Variants in DYNC2I1 observed in about 807,000 individuals in gnomAD.
DYNC2I1 encodes cytoplasmic dynein 2 intermediate chain 1.
Under a neutral mutation model 133.4 loss-of-function variants are expected in DYNC2I1, and 89 were observed. That is an observed-to-expected ratio of 0.67 (90% CI 0.56 to 0.80). DYNC2I1 has a LOEUF of 0.80. Ranked by LOEUF, DYNC2I1 falls within the 30% of genes least tolerant of loss-of-function variation. DYNC2I1 has a pLI of 0.00. For synonymous variants in DYNC2I1, 504 were observed against 484.3 expected, an observed-to-expected ratio of 1.04 and a Z score of -0.54; for missense variants, 1,291 against 1,314.5, an observed-to-expected ratio of 0.98 and a Z score of 0.28.
chr7:158,949,720 C>T (rs1289257425), downstream of DYNC2I1, among the ~76,000 whole-genome samples: 2 of 151,246 alleles, frequency 1.3e-5, no homozygotes, highest in Non-Finnish European at 2.9e-5. Context: ...GAGAATGGGG[C>T]AAAGCAAGAC....
intron 17 of DYNC2I1, 117 bp from the exon 18 acceptor site, chr7:158,926,070 T>A (rs1849585072): frequency 2.6e-6 from 2 of 762,530 alleles, no homozygotes; most frequent in Non-Finnish European, 4.5e-6. Context: ...GGAAGATGTG[T>A]GGAGAGAGTT....
intron 15 of DYNC2I1, among the ~76,000 whole-genome samples, chr7:158,921,420 G>A (rs1585177823): frequency 1.3e-5 from 2 of 152,100 alleles, no homozygotes; most frequent in African/African-American, 4.8e-5. Flanking sequence ...CCTAAAAATC[G>A]CTACACCGTG....
chr7:158,934,057 A>G, intron 21 of DYNC2I1, 72 bp from the exon 22 acceptor site: 3 of 1,037,106 alleles, frequency 2.9e-6, no homozygotes. Flanking sequence ...AGTGCAAATC[A>G]GTGTTAATAC....
intron 23 of DYNC2I1, among the ~76,000 whole-genome samples, chr7:158,937,371 A>C (rs1850863644): frequency 6.6e-6 from 1 of 152,198 alleles, no homozygotes; most frequent in South Asian, 2.1e-4. Flanking sequence ...TCACGCCTAT[A>C]ATCCCAGCAC....
chr7:158,869,801 CA>C, intron 1 of DYNC2I1, 53 bp from the exon 2 acceptor site: 1 of 1,459,924 alleles, frequency 6.8e-7, no homozygotes, highest in Non-Finnish European at 9.4e-7. Flanking sequence ...CAGCTCACTA[CA>C]ACACTGAAAA....
chr7:158,942,262 G>A, intron 24 of DYNC2I1, 114 bp downstream of exon 24: 1 of 728,822 alleles, frequency 1.4e-6, no homozygotes, highest in Non-Finnish European at 2.1e-6. Context: ...TTTAAGATGT[G>A]GCCATATGTA....
chr7:158,855,101 GGGAA>G (rs1187264749), upstream of DYNC2I1, among the ~76,000 whole-genome samples: 1 of 152,250 alleles, frequency 6.6e-6, no homozygotes, highest in Admixed American at 6.5e-5. Context: ...ATCGAGATGG[GGGAA>G]TTGCAATAGA....
At chr7:158,924,104 A>G (rs1301208690) in intron 17 of DYNC2I1, among the ~76,000 whole-genome samples, 6 of 152,218 alleles carry the variant, frequency 3.9e-5, no homozygotes, top group African/African-American at 9.6e-5. Flanking sequence ...AACCAGCACA[A>G]TTGGGCCTCC....
At chr7:158,930,571 C>T (rs1403027987) in intron 21 of DYNC2I1, 56 bp downstream of exon 21, 6 of 1,478,014 alleles carry the variant, frequency 4.1e-6, no homozygotes, top group Non-Finnish European at 5.6e-6. Context: ...AGGAAAATAA[C>T]ATTGGGGAAT....
At chr7:158,950,945 C>A (rs372505113), downstream of DYNC2I1, among the ~76,000 whole-genome samples, 8 of 152,236 alleles carry the variant, frequency 5.3e-5, no homozygotes, top group East Asian at 9.7e-4. Context: ...CGGGACCAGC[C>A]TCTATATGAT....
intron 15 of DYNC2I1, among the ~76,000 whole-genome samples, chr7:158,920,028 C>T (rs999861033): frequency 6.6e-6 from 1 of 151,494 alleles, no homozygotes; most frequent in Non-Finnish European, 1.5e-5. Flanking sequence ...TGTGTGTGTA[C>T]CACAGCGTGT....
In DYNC2I1 at chr7:158,905,244, G is replaced by A. The variant is rs753099690; in HGVS notation, c.1358-745G>A. On this transcript the variant is annotated intron_variant, in intron 10 of 24. Coordinates refer to ENST00000407559, the MANE Select transcript of DYNC2I1 (RefSeq NM_018051.5). ...CAACCTTCATTTCCTGGATTCAAGC[G>A]ATTCTTCTGCTTCAGCCTCCCGAGT... 1.0e-4 allele frequency: 36 copies of A among 357,774 alleles called. 1 individual carries two copies. The highest frequency in any genetic ancestry group is 4.9e-4 in the South Asian group (22 of 44,496). The allele number at this position is 357,774 out of a possible 1,614,324, so 22.2% of individuals were successfully genotyped here.
At chr7:158,884,747 T>G in intron 6 of DYNC2I1, 128 bp downstream of exon 6, 1 of 899,300 alleles carries the variant, frequency 1.1e-6, no homozygotes, top group Non-Finnish European at 1.6e-6. Context: ...CTTCATTTTC[T>G]CTAGATTTTA....
intron 7 of DYNC2I1, among the ~76,000 whole-genome samples, chr7:158,890,828 C>T (rs554268213): frequency 9.8e-4 from 149 of 152,268 alleles, no homozygotes; most frequent in African/African-American, 3.4e-3. Context: ...CCCGCCTCGG[C>T]CTCCCAGAGT....
chr7:158,908,598 A>G (rs566598147), intron 11 of DYNC2I1, among the ~76,000 whole-genome samples: 45 of 152,350 alleles, frequency 3.0e-4, no homozygotes, highest in African/African-American at 1.1e-3. Flanking sequence ...TCCAGTCAGG[A>G]AAACAAAAAC....
chr7:158,868,988 GACA>G (rs1008199467), intron 1 of DYNC2I1, among the ~76,000 whole-genome samples: 47 of 152,310 alleles, frequency 3.1e-4, no homozygotes, highest in African/African-American at 1.1e-3. Context: ...TGTGGTGTGA[GACA>G]ACAGCAGCCT....
chr7:158,848,729 T>C, the DYNC2I1 span, among the ~76,000 whole-genome samples: 1,682 of 151,990 alleles, frequency 0.011, 17 homozygotes, highest in African/African-American at 0.016. Flanking sequence ...GCGAGACCAT[T>C]CTGGCTAACA....
At chr7:158,900,344 ACTC>A (rs1179745946) in intron 8 of DYNC2I1, among the ~76,000 whole-genome samples, 1 of 150,770 alleles carries the variant, frequency 6.6e-6, no homozygotes, top group Non-Finnish European at 1.5e-5. Flanking sequence ...CTGGTCTTGA[ACTC>A]CTGACCTCAG....
chr7:158,955,611 G>C (rs908060871), intron 4 of DYNC2I1, among the ~76,000 whole-genome samples: 3 of 152,206 alleles, frequency 2.0e-5, no homozygotes, highest in Admixed American at 1.3e-4. Flanking sequence ...GACACCCAGC[G>C]CTAACATAAA....
Sources: allele counts gnomAD v4.1 joint callset (sites outside exome capture counted in the v4.1 genomes callset), GRCh38; gene constraint gnomAD v4.1.1; transcripts MANE v1.5; gene names NCBI Gene and HGNC (gene_info 2026-07-23, HGNC 2026-07-21).